The following LSAMP variants were observed in gnomAD, a reference collection of about 807,000 sequenced individuals.
LSAMP encodes the protein limbic system associated membrane protein.
In LSAMP, 7 loss-of-function variants were observed where a neutral mutation model predicts 38.6. The ratio of observed to expected loss-of-function variants is 0.18; its 90% CI spans 0.10 to 0.34. The LOEUF (loss-of-function observed/expected upper bound fraction) is 0.34, where lower values mean the gene tolerates loss of function less well. Among genes scored for constraint, LSAMP ranks in the 10% least tolerant of loss-of-function variants. LSAMP has a pLI of 1.00. For synonymous variants in LSAMP, 154 were observed against 166.8 expected (o/e 0.92, Z 0.59); for missense variants, 313 against 420.0 (o/e 0.75, Z 2.23).
chr3:115,814,527 G>T (rs1422059769), intron 6 of LSAMP, among the ~76,000 whole-genome samples: 1 of 152,142 alleles, frequency 6.6e-6, no homozygotes, highest in Non-Finnish European at 1.5e-5. Context: ...TTTAGCGTAT[G>T]CTTAGAGACA....
At chr3:116,162,768 TACACACACACAC>T (rs71141856) in intron 1 of LSAMP, among the ~76,000 whole-genome samples, 2 of 147,324 alleles carry the variant, frequency 1.4e-5, no homozygotes, top group African/African-American at 5.0e-5. Flanking sequence ...CACACACTTA[TACACACACACAC>T]ACACACACAC....
intron 1 of LSAMP, among the ~76,000 whole-genome samples, chr3:116,339,371 G>C (rs1250141267): frequency 6.6e-6 from 1 of 150,600 alleles, no homozygotes; most frequent in African/African-American, 2.5e-5. Context: ...CCATGGTTAA[G>C]AGCCATAGTA....
At chr3:116,017,733 AAGT>A (rs1466128367) in intron 3 of LSAMP, among the ~76,000 whole-genome samples, 1 of 152,204 alleles carries the variant, frequency 6.6e-6, no homozygotes, top group Non-Finnish European at 1.5e-5. Flanking sequence ...GGAAAAAAGA[AAGT>A]AGAGATATTG....
intron 1 of LSAMP, among the ~76,000 whole-genome samples, chr3:116,437,422 A>G (rs1455793201): frequency 6.6e-6 from 1 of 152,142 alleles, no homozygotes; most frequent in East Asian, 1.9e-4. Flanking sequence ...ATAAAAACCA[A>G]TAAGCTGGAA....
chr3:116,105,448 C>T (rs937794875), intron 1 of LSAMP, among the ~76,000 whole-genome samples: 7 of 151,776 alleles, frequency 4.6e-5, no homozygotes, highest in South Asian at 2.1e-4. Flanking sequence ...GGGCTGAGTC[C>T]GAAAGCAGAG....
At chr3:116,439,937 G>A (rs2049410248) in intron 1 of LSAMP, among the ~76,000 whole-genome samples, 1 of 152,194 alleles carries the variant, frequency 6.6e-6, no homozygotes, top group African/African-American at 2.4e-5. Context: ...TGGCCAGGAT[G>A]ATCTCAATCT....
At chr3:116,248,407 T>G (rs927076757) in intron 1 of LSAMP, among the ~76,000 whole-genome samples, 1 of 151,610 alleles carries the variant, frequency 6.6e-6, no homozygotes, top group African/African-American at 2.4e-5. Context: ...GAGCCTGTGA[T>G]GGGAGGATCA....
chr3:116,265,250 TAGAG>T (rs1331815603), intron 1 of LSAMP, among the ~76,000 whole-genome samples: 4 of 152,014 alleles, frequency 2.6e-5, no homozygotes, highest in Non-Finnish European at 4.4e-5. Context: ...AAGGGTCACT[TAGAG>T]AGAGGCTAAG....
intron 1 of LSAMP, among the ~76,000 whole-genome samples, chr3:116,138,534 C>T (rs1001857693): frequency 6.6e-5 from 10 of 151,964 alleles, no homozygotes; most frequent in African/African-American, 2.4e-4. Context: ...GACAGTGTCT[C>T]TTTTAGGGAC....
chr3:115,958,581 G>T (rs145829405), intron 3 of LSAMP, among the ~76,000 whole-genome samples: 1 of 152,144 alleles, frequency 6.6e-6, no homozygotes, highest in East Asian at 1.9e-4. Flanking sequence ...GCCAGCAAGC[G>T]AGAGGAAAGG....
intron 1 of LSAMP, among the ~76,000 whole-genome samples, chr3:116,392,541 G>A (rs985664468): frequency 2.0e-5 from 3 of 152,244 alleles, no homozygotes; most frequent in Non-Finnish European, 4.4e-5. Flanking sequence ...CGGTGCTGAG[G>A]ACAGCCTGGT....
chr3:116,164,758 A>T (rs1246579510), intron 1 of LSAMP, among the ~76,000 whole-genome samples: 25 of 55,238 alleles, frequency 4.5e-4, no homozygotes, highest in Admixed American at 1.0e-3. Context: ...ATATATATAT[A>T]TATTTTTTTT....
At chr3:116,350,190 A>G (rs1386561697) in intron 1 of LSAMP, among the ~76,000 whole-genome samples, 1 of 152,106 alleles carries the variant, frequency 6.6e-6, no homozygotes, top group Non-Finnish European at 1.5e-5. Context: ...GTCACAGCAC[A>G]TAGCAGGTAC....
intron 1 of LSAMP, among the ~76,000 whole-genome samples, chr3:116,187,506 A>C (rs1710648776): frequency 6.6e-6 from 1 of 152,076 alleles, no homozygotes; most frequent in Admixed American, 6.6e-5. Context: ...AATTACAGTG[A>C]TCTTTCTATT....
chr3:116,115,010 A>G (rs191289087), intron 1 of LSAMP, among the ~76,000 whole-genome samples: 2 of 152,328 alleles, frequency 1.3e-5, no homozygotes, highest in East Asian at 3.9e-4. Flanking sequence ...ATTGTTTTGC[A>G]TGTTATTCAC....
At chr3:116,221,195 C>T (rs1576442043) in intron 1 of LSAMP, among the ~76,000 whole-genome samples, 2 of 131,340 alleles carry the variant, frequency 1.5e-5, no homozygotes. Context: ...ATATATATAA[C>T]CGAAACATTT....
chr3:116,019,418 T>G, intron 3 of LSAMP, 97 bp downstream of exon 3: 1 of 1,412,888 alleles, frequency 7.1e-7, no homozygotes, highest in Non-Finnish European at 9.8e-7. Flanking sequence ...CAATTCTGAT[T>G]CTGAATTGAA....
At chr3:116,438,468 T>C (rs975826942) in intron 1 of LSAMP, among the ~76,000 whole-genome samples, 4 of 152,198 alleles carry the variant, frequency 2.6e-5, no homozygotes, top group Non-Finnish European at 5.9e-5. Flanking sequence ...ATTTTGAACT[T>C]ATTACATCCT....
At chr3:116,160,347 C>T (rs534246183) in intron 1 of LSAMP, among the ~76,000 whole-genome samples, 2 of 143,968 alleles carry the variant, frequency 1.4e-5, no homozygotes, top group African/African-American at 5.0e-5. Context: ...TGCAGTGAGC[C>T]GAGATCGTGC....
Sources: allele counts gnomAD v4.1 joint callset (sites outside exome capture counted in the v4.1 genomes callset), GRCh38; gene constraint gnomAD v4.1.1; transcripts MANE v1.5; gene names NCBI Gene and HGNC (gene_info 2026-07-23, HGNC 2026-07-21).